MNT: variants seen among roughly 807,000 people sequenced by gnomAD.
MNT encodes MAX network transcriptional repressor, also known as max-binding protein MNT.
MNT carries 13 observed loss-of-function variants against 40.7 expected under a neutral mutation model. The ratio of observed to expected loss-of-function variants is 0.32; its 90% CI spans 0.21 to 0.51. MNT has a LOEUF of 0.51. MNT is among the 20% of genes least tolerant of loss of function. MNT has a pLI of 0.98. For missense variants in MNT, 757 were observed against 792.0 expected (o/e 0.96, Z 0.53); for synonymous variants, 426 against 354.8 (o/e 1.20, Z -2.26).
rs1597419912 is a variant in MNT, at chr17:2,393,970, G to A, written c.807+73C>T. 3.8e-6 allele frequency: 4 copies of A among 1,050,132 alleles called. No homozygotes were observed. In the East Asian group the frequency reaches 1.4e-4, roughly 36 times the overall value. 65.1% of individuals were successfully genotyped at this position (1,050,132 alleles called of 1,614,324 possible). Reference sequence around the variant, plus strand: ...GCCGCCGGGGCGTGAGGGCGGGGCGGGGCGCGGCCGGGGGAGGGGCGGCGG... The same window carrying A: ...GCCGCCGGGGCGTGAGGGCGGGGCGAGGCGCGGCCGGGGGAGGGGCGGCGG... On this transcript the variant is annotated intron_variant, in intron 4 of 5. Coordinates refer to ENST00000174618, the MANE Select transcript of MNT (RefSeq NM_020310.3).
intron 4 of MNT, among the ~76,000 whole-genome samples, chr17:2,393,357 G>A (rs1186751560): frequency 6.6e-6 from 1 of 152,198 alleles, no homozygotes; most frequent in Non-Finnish European, 1.5e-5. Flanking sequence ...AAAGGGAGGG[G>A]ACGCGCAGCC....
In MNT at chr17:2,394,086, G is replaced by C; in HGVS notation, c.764C>G (p.Thr255Arg). 1.2e-6 allele frequency: 2 copies of C among 1,608,832 alleles called. No homozygotes were observed. The highest frequency in any genetic ancestry group is 2.2e-5 in the East Asian group (1 of 44,464). Reference protein sequence around the residue: ...RNIPNVDDKKTSNLSVLRTAL... With the variant: ...RNIPNVDDKKRSNLSVLRTAL... ...CGTCCGCAGCACGCTCAGATTGGAC[G>C]TCTTCTTGTCATCCACGTTGGGGAT... is the stretch of plus-strand genomic sequence containing the variant. Residue 255 changes from threonine (T) to arginine (R), a missense_variant, in exon 4 of 6, where the codon ACG becomes AGG. Thr to Arg is a moderately conservative substitution (Grantham distance 71, BLOSUM62 -1). This residue lies in a region of MNT where 73 missense variants were observed against 100.8 expected (regional missense o/e 0.72). Transcript: ENST00000174618.
intron 1 of MNT, among the ~76,000 whole-genome samples, chr17:2,398,104 T>C (rs1428026325): frequency 6.6e-6 from 1 of 152,204 alleles, no homozygotes; most frequent in East Asian, 1.9e-4. Context: ...AATTCTCCCA[T>C]CTGCACGCTA....
Position 2,387,008 on chromosome 17 carries a change from C to G in MNT, c.1642G>C (p.Gly548Arg). The change falls in exon 6 of 6, where the codon GGG (glycine) becomes CGG (arginine). Residue 548 changes from glycine to arginine, a missense_variant. Gly to Arg is a moderately radical substitution (Grantham distance 125, BLOSUM62 -2). Around this residue, in one of 4 missense-constraint regions of MNT, gnomAD observed 345 missense variants for 380.1 expected, o/e 0.91. Transcript: ENST00000174618. ...PATVMAKPAVGAQVVHHPQLV... is the reference protein window; with the variant it reads ...PATVMAKPAVRAQVVHHPQLV... ...TGGGGGTGGTGCACCACCTGAGCCC[C>G]CACGGCCGGCTTTGCCATGACAGTA... The G allele has an allele frequency of 6.5e-7, 1 of 1,535,304 alleles. No individual in the cohort carries two copies. Among genetic ancestry groups the G allele is most frequent in the South Asian group, 1.3e-5 (1 of 79,678 alleles).
At chr17:2,395,848 C>G (rs1023909184) in intron 1 of MNT, among the ~76,000 whole-genome samples, 2 of 152,034 alleles carry the variant, frequency 1.3e-5, no homozygotes, top group Non-Finnish European at 2.9e-5. Flanking sequence ...ACCACAGGGC[C>G]GAGGTGGGAG....
rs373336132 is a variant in MNT, at chr17:2,394,484, C to T, written c.654-138G>A. 7 of 1,269,320 alleles carry T rather than the reference C, an allele frequency of 5.5e-6. No homozygotes were observed. In the African/African-American group the frequency reaches 7.4e-5, roughly 14 times the overall value. 78.6% of individuals were successfully genotyped at this position (1,269,320 alleles called of 1,614,324 possible). A position where few individuals can be genotyped will look rare whatever the true frequency, so the allele number is the denominator to read the frequency against. ...TAAAGCAGACTGGGAGACGTTCGCC[C>T]TGTGCCATGCTGCGCCCACCCCCTG... is the stretch of plus-strand genomic sequence containing the variant. On this transcript the variant is annotated intron_variant, in intron 2 of 5. Coordinates refer to ENST00000174618, the MANE Select transcript of MNT (RefSeq NM_020310.3).
Position 2,395,106 on chromosome 17 carries a change from G to A in MNT, c.422C>T (p.Pro141Leu), listed in dbSNP as rs776161708. The change falls in exon 2 of 6, where the codon CCG becomes CTG. Residue 141 changes from proline (P) to leucine (L), a missense_variant. Coordinates refer to ENST00000174618, the MANE Select transcript of MNT (RefSeq NM_020310.3). ...IKEPAPLPSR[P>L]QVPTPAPLLP... Reference sequence around the variant, plus strand: ...TAGGGGAGCAGGGGTGGGCACCTGCGGCCTGCTGGGCAGGGGGGCAGGCTC... The same window carrying A: ...TAGGGGAGCAGGGGTGGGCACCTGCAGCCTGCTGGGCAGGGGGGCAGGCTC... 26 of 1,491,878 alleles carry A rather than the reference G, an allele frequency of 1.7e-5. No individual in the cohort carries two copies. Among genetic ancestry groups the A allele is most frequent in the African/African-American group, 2.8e-5 (2 of 71,196 alleles). 92.4% of individuals were successfully genotyped at this position (1,491,878 alleles called of 1,614,324 possible). A position where few individuals can be genotyped will look rare whatever the true frequency, so the allele number is the denominator to read the frequency against.
chr17:2,394,273 G>GTACACACA, intron 3 of MNT, 32 bp downstream of exon 3: 1 of 1,351,278 alleles, frequency 7.4e-7, no homozygotes, highest in South Asian at 1.3e-5. Context: ...GCGCACGCAC[G>GTACACACA]CACGCACACA....
intron 1 of MNT, chr17:2,400,380 G>A (rs1191552668): frequency 5.2e-6 from 2 of 387,842 alleles, no homozygotes; most frequent in Non-Finnish European, 9.3e-6. Flanking sequence ...GCCCACCACA[G>A]AAGGGGCACA....
In MNT at chr17:2,395,518, C is replaced by T. The variant is rs2066571029; in HGVS notation, c.74-64G>A. 6 of 1,596,594 alleles carry T rather than the reference C, an allele frequency of 3.8e-6. No individual in the cohort carries two copies. In the South Asian group the frequency reaches 4.4e-5, roughly 12 times the overall value. On this transcript the variant is annotated intron_variant, in intron 1 of 5. Coordinates refer to ENST00000174618, the MANE Select transcript of MNT (RefSeq NM_020310.3). ...GGGCCCCAGAACTCCAGCCCTAACTCGTCCTCTGACCCTAGCCCAGTCAGT... is the reference window on the plus strand; with the variant it reads ...GGGCCCCAGAACTCCAGCCCTAACTTGTCCTCTGACCCTAGCCCAGTCAGT...
chr17:2,394,231 G>A, intron 3 of MNT, 74 bp downstream of exon 3: 3 of 1,594,664 alleles, frequency 1.9e-6, no homozygotes, highest in Non-Finnish European at 2.6e-6. Context: ...CGGGGAAGCT[G>A]GGGCCGAGGG....
intron 1 of MNT, among the ~76,000 whole-genome samples, chr17:2,398,943 C>T (rs947947149): frequency 4.1e-4 from 63 of 152,146 alleles, no homozygotes; most frequent in African/African-American, 1.3e-3. Context: ...CTTGAGAGGC[C>T]GGTCGCCCCG....
At position 2,386,762 on chromosome 17, in the gene MNT, C is replaced by T; in HGVS notation, c.*139G>A. 2 of 893,686 alleles carry T rather than the reference C, an allele frequency of 2.2e-6. No individual in the cohort carries two copies. The highest frequency in any genetic ancestry group is 3.4e-5 in the Admixed American group (1 of 29,846). 55.4% of individuals were successfully genotyped at this position (893,686 alleles called of 1,614,324 possible). ...CCTCCCTTGGCTCAGAGTCTTTGCA[C>T]CCCCTTCCCCTAGGAGGCCTGGGGG... On this transcript the variant is annotated 3_prime_UTR_variant, in exon 6 of 6. Coordinates refer to ENST00000174618, the MANE Select transcript of MNT (RefSeq NM_020310.3).
rs2066558772 is a variant in MNT at position 2,394,455 on chromosome 17, G to A, written c.654-109C>T. 9 of 1,509,516 alleles carry A rather than the reference G, an allele frequency of 6.0e-6. No homozygotes were observed. In the Admixed American group the frequency reaches 1.4e-4, roughly 23 times the overall value. 93.5% of individuals were successfully genotyped at this position (1,509,516 alleles called of 1,614,324 possible). A position where few individuals can be genotyped will look rare whatever the true frequency, so the allele number is the denominator to read the frequency against. Reference sequence around the variant, plus strand: ...CCACAGGCTGTTTGTCCCCAACACTGTCTTAAAGCAGACTGGGAGACGTTC... The same window carrying A: ...CCACAGGCTGTTTGTCCCCAACACTATCTTAAAGCAGACTGGGAGACGTTC... On this transcript the variant is annotated intron_variant, in intron 2 of 5. Coordinates refer to ENST00000174618, the MANE Select transcript of MNT (RefSeq NM_020310.3).
Position 2,394,751 on chromosome 17 carries a change from T to C in MNT, c.653+124A>G, listed in dbSNP as rs1376347805. ...CTTCCCAGGATAGACATGGGCACAG[T>C]GATGACGTGTTCAAATACAGGGGGC... is the stretch of plus-strand genomic sequence containing the variant. On this transcript the variant is annotated intron_variant, in intron 2 of 5. Transcript: ENST00000174618. The C allele has an allele frequency of 6.6e-5, 45 of 683,896 alleles. No homozygotes were observed. In the East Asian group the frequency reaches 1.2e-3, roughly 18 times the overall value. 42.4% of individuals were successfully genotyped at this position (683,896 alleles called of 1,614,324 possible).
chr17:2,394,007 G>A, intron 4 of MNT, 36 bp downstream of exon 4: 1 of 1,477,868 alleles, frequency 6.8e-7, no homozygotes, highest in Middle Eastern at 2.4e-4. Flanking sequence ...GGGAGGGCGG[G>A]GGAAGCTGCG....
intron 4 of MNT, 60 bp from the exon 5 acceptor site, chr17:2,388,109 C>T: frequency 6.9e-7 from 1 of 1,457,682 alleles, no homozygotes; most frequent in South Asian, 1.3e-5. Flanking sequence ...GGCCCAAAGC[C>T]CCCACAAACC....
rs928637638 is a variant in MNT at position 2,393,923 on chromosome 17, G to A, written c.807+120C>T. On this transcript the variant is annotated intron_variant, in intron 4 of 5. Transcript: ENST00000174618. ...GCCATGTGCTCAGCGCCCGCGTGGA[G>A]GTGGGAGGGAGGCGCGGGGGAGCCG... 3.7e-5 allele frequency: 20 copies of A among 541,458 alleles called. No individual in the cohort carries two copies. The East Asian group carries it at 5.6e-4, about 15-fold the overall frequency. 33.5% of individuals were successfully genotyped at this position (541,458 alleles called of 1,614,324 possible). A position where few individuals can be genotyped will look rare whatever the true frequency, so the allele number is the denominator to read the frequency against.
chr17:2,398,753 G>C (rs561576982), intron 1 of MNT, among the ~76,000 whole-genome samples: 2 of 152,280 alleles, frequency 1.3e-5, no homozygotes, highest in Admixed American at 6.5e-5. Flanking sequence ...CTTGTGCACG[G>C]TCTTCCCCTG....
Sources: allele counts gnomAD v4.1 joint callset (sites outside exome capture counted in the v4.1 genomes callset), GRCh38; gene constraint gnomAD v4.1.1; regional missense constraint gnomAD v4.1.1; transcripts MANE v1.5; gene names NCBI Gene and HGNC (gene_info 2026-07-23, HGNC 2026-07-21).